Variants in ANXA8 observed in about 807,000 individuals in gnomAD.
ANXA8 encodes VAC-beta.
A neutral mutation model predicts 26.8 loss-of-function variants in ANXA8; 9 were observed. The observed-to-expected ratio is 0.34, with a 90% CI of 0.20 to 0.59. The LOEUF (loss-of-function observed/expected upper bound fraction) is 0.59. Among genes scored for constraint, ANXA8 ranks in the 20% least tolerant of loss-of-function variants. The pLI, the probability that ANXA8 is intolerant of heterozygous loss-of-function variation, is 0.84. For synonymous variants in ANXA8, 39 were observed against 94.8 expected (o/e 0.41, Z 3.42); for missense variants, 83 against 238.5 (o/e 0.35, Z 4.29).
chr10:47,557,003 CT>C, the ANXA8 span, among the ~76,000 whole-genome samples: 3,448 of 113,414 alleles, frequency 0.03, 52 homozygotes, highest in African/African-American at 0.1. Flanking sequence ...TATTTTCTTT[CT>C]TTTTTTTTTT....
the ANXA8 span, among the ~76,000 whole-genome samples, chr10:47,704,992 G>T: frequency 3.9e-5 from 6 of 152,104 alleles, 1 homozygote; most frequent in South Asian, 2.1e-4. Flanking sequence ...TTTCAAGGGC[G>T]CAGTGGCTCA....
At chr10:47,546,480 G>A in the ANXA8 span, among the ~76,000 whole-genome samples, 610 of 122,446 alleles carry the variant, frequency 5.0e-3, 15 homozygotes, top group African/African-American at 0.018. Flanking sequence ...TCGGCTCAGC[G>A]CAAGCTCCGC....
chr10:47,951,018 T>G, the ANXA8 span, among the ~76,000 whole-genome samples: 1 of 150,472 alleles, frequency 6.6e-6, no homozygotes, highest in Non-Finnish European at 1.5e-5. Flanking sequence ...GTCAATAAGA[T>G]AAAAAGTTCT....
chr10:47,483,394 C>T (rs1389421858), intron 1 of ANXA8, among the ~76,000 whole-genome samples: 3 of 135,428 alleles, frequency 2.2e-5, no homozygotes, highest in Admixed American at 2.2e-4. Context: ...CTTTCAGGAC[C>T]TGGCCCTGCC....
the ANXA8 span, among the ~76,000 whole-genome samples, chr10:47,704,688 T>C: frequency 5.3e-5 from 8 of 151,860 alleles, no homozygotes; most frequent in Non-Finnish European, 8.8e-5. Flanking sequence ...TTTAGCAAAG[T>C]AGCTGGATAT....
the ANXA8 span, among the ~76,000 whole-genome samples, chr10:47,960,294 G>T: frequency 6.8e-6 from 1 of 146,594 alleles, no homozygotes. Flanking sequence ...TCTGCACCTT[G>T]AATCTCATCA....
chr10:47,743,329 C>CATATATATATATATACAT, the ANXA8 span, among the ~76,000 whole-genome samples: 1 of 47,788 alleles, frequency 2.1e-5, no homozygotes, highest in Admixed American at 3.0e-4. Flanking sequence ...TATATATATA[C>CATATATATATATATACAT]ATATATATAT....
At chr10:47,929,964 TCA>T in the ANXA8 span, among the ~76,000 whole-genome samples, 1 of 152,194 alleles carries the variant, frequency 6.6e-6, no homozygotes, top group African/African-American at 2.4e-5. Context: ...AGGGCAAATT[TCA>T]CAGTCACAGT....
chr10:47,626,012 T>G, the ANXA8 span, among the ~76,000 whole-genome samples: 4 of 150,398 alleles, frequency 2.7e-5, no homozygotes, highest in Admixed American at 6.6e-5. Context: ...TGACGTAAAG[T>G]CTCCCAGGTT....
the ANXA8 span, among the ~76,000 whole-genome samples, chr10:47,979,513 A>ATAC: frequency 6.6e-6 from 1 of 151,690 alleles, no homozygotes; most frequent in African/African-American, 2.4e-5. Context: ...AAGGGTATAA[A>ATAC]CCTTGAGATG....
the ANXA8 span, among the ~76,000 whole-genome samples, chr10:47,533,221 A>C: frequency 4.0e-4 from 57 of 142,080 alleles, 1 homozygote; most frequent in African/African-American, 1.4e-3. Context: ...ACACACACAC[A>C]CACCCCCGCA....
the ANXA8 span, among the ~76,000 whole-genome samples, chr10:47,682,875 AG>A: frequency 6.6e-6 from 1 of 152,192 alleles, no homozygotes; most frequent in African/African-American, 2.4e-5. Context: ...CAAGAGTGAA[AG>A]GGAGAAATTC....
At chr10:47,506,341 C>CT in the ANXA8 span, among the ~76,000 whole-genome samples, 12 of 138,248 alleles carry the variant, frequency 8.7e-5, 2 homozygotes, top group African/African-American at 2.7e-4. Context: ...TTCTTTTTCT[C>CT]TTTTTTTGAG....
chr10:47,583,777 G>C, the ANXA8 span, among the ~76,000 whole-genome samples: 1 of 145,252 alleles, frequency 6.9e-6, no homozygotes, highest in Non-Finnish European at 1.5e-5. Flanking sequence ...AGGGCAGAGA[G>C]CCAGAGGACT....
the ANXA8 span, among the ~76,000 whole-genome samples, chr10:47,525,360 C>T: frequency 7.1e-6 from 1 of 141,518 alleles, no homozygotes; most frequent in African/African-American, 2.7e-5. Flanking sequence ...GAGCCAAGAT[C>T]GTGCCATGGC....
the ANXA8 span, among the ~76,000 whole-genome samples, chr10:47,724,203 A>G: frequency 3.0e-5 from 4 of 132,066 alleles, no homozygotes; most frequent in South Asian, 7.1e-4. Context: ...TGAAACCAAA[A>G]TGGAAAGTCA....
At chr10:47,735,746 C>T in the ANXA8 span, among the ~76,000 whole-genome samples, 1 of 151,624 alleles carries the variant, frequency 6.6e-6, no homozygotes, top group Admixed American at 6.6e-5. Flanking sequence ...CTCAAGTGAT[C>T]CTCCTGCCTC....
At chr10:47,948,735 A>T in the ANXA8 span, among the ~76,000 whole-genome samples, 2 of 150,684 alleles carry the variant, frequency 1.3e-5, no homozygotes, top group African/African-American at 2.5e-5. Context: ...ATTTGATGAA[A>T]CATACAAAAC....
chr10:47,666,697 A>G, the ANXA8 span, among the ~76,000 whole-genome samples: 1 of 151,454 alleles, frequency 6.6e-6, no homozygotes, highest in Non-Finnish European at 1.5e-5. Flanking sequence ...CCCATATTCC[A>G]TACTTTTTAA....
Sources: gnomAD v4.1 joint callset for allele counts (sites outside exome capture counted in the v4.1 genomes callset) on GRCh38, gnomAD v4.1.1 for gene constraint, MANE v1.5 for transcripts, NCBI Gene and HGNC (gene_info 2026-07-23, HGNC 2026-07-21) for gene names.